LOC128462377: variants seen among roughly 807,000 people sequenced by gnomAD.
At chr16:89,396,780 A>G in the LOC128462377 span, among the ~76,000 whole-genome samples, 3 of 152,142 alleles carry the variant, frequency 2.0e-5, no homozygotes, top group African/African-American at 7.2e-5. Context: ...TCCGCCTCCC[A>G]GGTTCACGCC....
the LOC128462377 span, among the ~76,000 whole-genome samples, chr16:89,392,211 G>T: frequency 5.3e-5 from 8 of 152,302 alleles, no homozygotes; most frequent in South Asian, 4.1e-4. Context: ...TACTCTCGTG[G>T]CAAAACTGCA....
chr16:89,369,940 G>C, the LOC128462377 span, among the ~76,000 whole-genome samples: 1 of 152,152 alleles, frequency 6.6e-6, no homozygotes, highest in African/African-American at 2.4e-5. Context: ...CCAAACACGG[G>C]GGGCCCAGCC....
the LOC128462377 span, among the ~76,000 whole-genome samples, chr16:89,345,772 G>C: frequency 1.0e-3 from 154 of 152,258 alleles, no homozygotes; most frequent in Middle Eastern, 0.01. Flanking sequence ...TGCACACCAG[G>C]TACATGCTGT....
At chr16:89,352,212 G>T in the LOC128462377 span, among the ~76,000 whole-genome samples, 1 of 150,756 alleles carries the variant, frequency 6.6e-6, no homozygotes, top group African/African-American at 2.5e-5. Context: ...TGAAAAGCAT[G>T]AGACACGTTT....
At chr16:89,338,496 G>A in the LOC128462377 span, among the ~76,000 whole-genome samples, 8 of 150,818 alleles carry the variant, frequency 5.3e-5, no homozygotes, top group African/African-American at 1.2e-4. Flanking sequence ...TTGGGAGGCC[G>A]AGGCGGGCAA....
chr16:89,418,259 G>A, the LOC128462377 span: 1 of 452,866 alleles, frequency 2.2e-6, no homozygotes, highest in Non-Finnish European at 4.4e-6. Flanking sequence ...AACATAAATT[G>A]ATAGAGAATG....
chr16:89,376,902 A>G, the LOC128462377 span, among the ~76,000 whole-genome samples: 1 of 152,258 alleles, frequency 6.6e-6, no homozygotes, highest in African/African-American at 2.4e-5. Flanking sequence ...GTTTATGATA[A>G]GGACTGCCTT....
At chr16:89,388,905 G>A in the LOC128462377 span, among the ~76,000 whole-genome samples, 8 of 152,186 alleles carry the variant, frequency 5.3e-5, no homozygotes, top group Admixed American at 3.9e-4. Context: ...GGGACAAAAA[G>A]GTTCCAAGGA....
chr16:89,362,512 C>A, the LOC128462377 span, among the ~76,000 whole-genome samples: 1 of 152,228 alleles, frequency 6.6e-6, no homozygotes, highest in Admixed American at 6.5e-5. Flanking sequence ...GTGTCCAGCA[C>A]CAGAGATACT....
the LOC128462377 span, among the ~76,000 whole-genome samples, chr16:89,393,061 C>T: frequency 1.3e-5 from 2 of 152,192 alleles, no homozygotes; most frequent in South Asian, 4.1e-4. Flanking sequence ...TCAGTGGAGC[C>T]TCCGGCAAGC....
At chr16:89,352,228 G>C in the LOC128462377 span, among the ~76,000 whole-genome samples, 1 of 152,070 alleles carries the variant, frequency 6.6e-6, no homozygotes, top group African/African-American at 2.4e-5. Context: ...CGTTTCCCTA[G>C]GGATGGAATG....
the LOC128462377 span, among the ~76,000 whole-genome samples, chr16:89,328,557 C>T: frequency 6.6e-6 from 1 of 150,780 alleles, no homozygotes; most frequent in Admixed American, 6.6e-5. Flanking sequence ...TCTGCAGAGG[C>T]CCCTGCTGAG....
At chr16:89,338,585 C>T in the LOC128462377 span, among the ~76,000 whole-genome samples, 4 of 151,672 alleles carry the variant, frequency 2.6e-5, no homozygotes, top group Admixed American at 2.0e-4. Flanking sequence ...ATTAGCTGGG[C>T]GTGGTGGCAT....
At chr16:89,372,728 G>T in the LOC128462377 span, 1 of 152,292 alleles carries the variant, frequency 6.6e-6, no homozygotes, top group East Asian at 1.9e-4. Context: ...TGAGCCCGGG[G>T]ACCCAGGACA....
At chr16:89,414,943 A>G in the LOC128462377 span, among the ~76,000 whole-genome samples, 1 of 152,142 alleles carries the variant, frequency 6.6e-6, no homozygotes, top group African/African-American at 2.4e-5. Flanking sequence ...CACCTGTAAC[A>G]TTCTTATTCT....
At chr16:89,336,432 T>G in the LOC128462377 span, among the ~76,000 whole-genome samples, 1 of 152,260 alleles carries the variant, frequency 6.6e-6, no homozygotes, top group African/African-American at 2.4e-5. Context: ...TGTGGGCTTC[T>G]GTGGTGCTAG....
At chr16:89,364,597 C>G in the LOC128462377 span, among the ~76,000 whole-genome samples, 7 of 152,186 alleles carry the variant, frequency 4.6e-5, no homozygotes, top group Non-Finnish European at 1.0e-4. Flanking sequence ...CTGGGCCACA[C>G]TGGAAGAAGA....
the LOC128462377 span, among the ~76,000 whole-genome samples, chr16:89,384,906 T>TTTTTTC: frequency 1.1e-5 from 1 of 90,096 alleles, no homozygotes; most frequent in African/African-American, 3.9e-5. Context: ...TTTTTTTTTT[T>TTTTTTC]TGAGACTACG....
At chr16:89,362,423 A>G in the LOC128462377 span, among the ~76,000 whole-genome samples, 1 of 152,282 alleles carries the variant, frequency 6.6e-6, no homozygotes, top group Admixed American at 6.5e-5. Flanking sequence ...ACCCAAACCT[A>G]AATTGCACAG....
Sources: allele counts gnomAD v4.1 joint callset (sites outside exome capture counted in the v4.1 genomes callset), GRCh38; gene constraint gnomAD v4.1.1; transcripts MANE v1.5.